The following PSMD11 variants were observed in gnomAD, a reference collection of about 807,000 sequenced individuals.
The protein encoded by PSMD11 is proteasome 26S subunit, non-ATPase 11, also known as 26S proteasome non-ATPase regulatory subunit 11.
In PSMD11, 5 loss-of-function variants were observed where a neutral mutation model predicts 62.3. The ratio of observed to expected loss-of-function variants is 0.08; its 90% CI spans 0.04 to 0.17. The LOEUF is 0.17. PSMD11 is among the 10% of genes least tolerant of loss of function. PSMD11 has a pLI of 1.00. For synonymous variants in PSMD11, 191 were observed against 191.8 expected (o/e 1.00, Z 0.03); for missense variants, 310 against 512.9 (o/e 0.60, Z 3.82).
chr17:32,465,448 A>AT (rs1907966526), intron 5 of PSMD11, among the ~76,000 whole-genome samples: 1 of 151,636 alleles, frequency 6.6e-6, no homozygotes, highest in African/African-American at 2.4e-5. Flanking sequence ...GATCTGGACT[A>AT]TTTTTTCCGA....
Position 32,480,186 on chromosome 17 carries a change from A to G in PSMD11, c.1115A>G (p.Lys372Arg), listed in dbSNP as rs1908446870. The G allele has an allele frequency of 2.5e-6, 4 of 1,613,732 alleles. No individual in the cohort carries two copies. In the East Asian group the frequency reaches 8.9e-5, roughly 36 times the overall value. ...ERKLSQMILD[K>R]KFHGILDQGE... Reference sequence around the variant, plus strand: ...AAATTATCACAGATGATTCTTGACAAGAAATTTCATGGTAAGTAACAGTCA... The same window carrying G: ...AAATTATCACAGATGATTCTTGACAGGAAATTTCATGGTAAGTAACAGTCA... Residue 372 changes from lysine to arginine, a missense_variant, in exon 12 of 14, where the codon AAG (lysine) becomes AGG (arginine). Coordinates refer to ENST00000261712, the MANE Select transcript of PSMD11 (RefSeq NM_002815.4).
intron 3 of PSMD11, among the ~76,000 whole-genome samples, chr17:32,456,915 C>T (rs942155062): frequency 5.3e-5 from 8 of 152,224 alleles, no homozygotes; most frequent in Admixed American, 2.0e-4. Context: ...GATCCACCCG[C>T]CTTGGCCTCC....
At chr17:32,457,367 A>G (rs1907682356) in intron 3 of PSMD11, among the ~76,000 whole-genome samples, 1 of 151,936 alleles carries the variant, frequency 6.6e-6, no homozygotes, top group Admixed American at 6.6e-5. Context: ...CCTCCTGAGT[A>G]GCTGGAACTA....
chr17:32,479,755 G>T, intron 10 of PSMD11, 96 bp from the exon 11 acceptor site: 1 of 1,424,028 alleles, frequency 7.0e-7, no homozygotes, highest in Non-Finnish European at 9.9e-7. Flanking sequence ...TTAGAATTTT[G>T]AGAAATACAG....
Position 32,473,879 on chromosome 17 carries a change from C to G in PSMD11, c.722C>G (p.Ser241Cys). 1 of 1,614,114 alleles carries G rather than the reference C, an allele frequency of 6.2e-7. No individual in the cohort carries two copies. The highest frequency in any genetic ancestry group is 8.5e-7 in the Non-Finnish European group (1 of 1,179,978). The change falls in exon 7 of 14, where the codon TCC becomes TGC. Residue 241 changes from serine to cysteine, a missense_variant. Ser to Cys is a moderately radical substitution (Grantham distance 112, BLOSUM62 -1). Coordinates refer to ENST00000261712, the MANE Select transcript of PSMD11 (RefSeq NM_002815.4). Reference sequence around the variant, plus strand: ...TATGAGGCATTTGAGGGTTATGACTCCATCGACAGCCCCAAGGCCATCACA... The same window carrying G: ...TATGAGGCATTTGAGGGTTATGACTGCATCGACAGCCCCAAGGCCATCACA... The part of the protein sequence containing the change: ...YFYEAFEGYD[S>C]IDSPKAITSL...
rs1269792106 is a variant in PSMD11 at position 32,469,172 on chromosome 17, G to T, written c.622G>T (p.Ala208Ser). Residue 208 changes from alanine (A) to serine (S), a missense_variant, in exon 6 of 14, where the codon GCC (alanine) becomes TCC (serine). Ala to Ser is a moderately conservative substitution (Grantham distance 99). This residue lies in a region of PSMD11 where 47 missense variants were observed against 117.7 expected (regional missense o/e 0.40). Coordinates refer to ENST00000261712, the MANE Select transcript of PSMD11 (RefSeq NM_002815.4). ...NAIYCPPKLQ[A>S]TLDMQSGIIH... ...CATCTACTGCCCCCCTAAATTGCAG[G>T]CCACCTTGGACATGCAGTCGGGTAA... The T allele has an allele frequency of 6.2e-7, 1 of 1,613,816 alleles. No homozygotes were observed. Among genetic ancestry groups the T allele is most frequent in the Non-Finnish European group, 8.5e-7 (1 of 1,179,930 alleles).
chr17:32,461,475 G>A (rs1248296798), intron 3 of PSMD11, among the ~76,000 whole-genome samples: 1 of 151,920 alleles, frequency 6.6e-6, no homozygotes, highest in East Asian at 1.9e-4. Flanking sequence ...GGAGGCTGAG[G>A]CAGGAGAAGT....
intron 9 of PSMD11, 98 bp from the exon 10 acceptor site, chr17:32,479,153 G>T: frequency 6.9e-7 from 1 of 1,450,120 alleles, no homozygotes; most frequent in Admixed American, 2.1e-5. Flanking sequence ...ATTCAACCAT[G>T]TAGTTTTATA....
intron 2 of PSMD11, among the ~76,000 whole-genome samples, chr17:32,447,494 G>C (rs1173652306): frequency 6.6e-6 from 1 of 152,138 alleles, no homozygotes; most frequent in East Asian, 1.9e-4. Flanking sequence ...ATTAAATGGA[G>C]CCTTCCCAAG....
intron 8 of PSMD11, 52 bp downstream of exon 8, chr17:32,474,876 C>A: frequency 6.6e-7 from 1 of 1,522,946 alleles, no homozygotes; most frequent in South Asian, 1.1e-5. Context: ...AGCATGTTTT[C>A]AGAGTCACAA....
intron 3 of PSMD11, among the ~76,000 whole-genome samples, chr17:32,462,256 T>TG (rs1169603529): frequency 1.3e-5 from 2 of 152,124 alleles, no homozygotes; most frequent in Non-Finnish European, 1.5e-5. Context: ...GGTAAAACTG[T>TG]GGGGGGCACT....
intron 5 of PSMD11, 99 bp downstream of exon 5, chr17:32,464,677 A>C (rs768834733): frequency 1.1e-6 from 1 of 892,138 alleles, no homozygotes; most frequent in East Asian, 2.6e-5. Context: ...TTTATATTCT[A>C]CTGACTTCTA....
Position 32,477,201 on chromosome 17 carries a change from G to A in PSMD11, c.850-320G>A, listed in dbSNP as rs191601467. 536 of 259,710 alleles carry A rather than the reference G, an allele frequency of 2.1e-3. 3 individuals are homozygous for A. The highest frequency in any genetic ancestry group is 5.0e-3 in the Admixed American group (98 of 19,454). The allele number at this position is 259,710 out of a possible 1,614,324, so 16.1% of individuals were successfully genotyped here. ...GGCGATAACAAGCCTTGGAGGAAGG[G>A]AGAAGAAATCACAGTTCTCTTGTCA... On this transcript the variant is annotated intron_variant, in intron 8 of 13. Transcript: ENST00000261712.
chr17:32,468,020 T>G (rs1298364778), intron 5 of PSMD11, among the ~76,000 whole-genome samples: 1 of 152,212 alleles, frequency 6.6e-6, no homozygotes, highest in Non-Finnish European at 1.5e-5. Context: ...TCTCATCATT[T>G]AGCTCCCACT....
In PSMD11 at chr17:32,475,602, C is replaced by CT. The variant is rs1223197720; in HGVS notation, c.849+793dup. ...CCTCTCTACAAGTGGCCCTAATTGG[C>CT]TTTTTTTTTTTTTTTGAGTTGGAGT... On this transcript the variant is annotated intron_variant, in intron 8 of 13. Transcript: ENST00000261712. 3.5e-3 allele frequency among the ~76,000 whole-genome samples: 475 copies of CT among 136,840 alleles called. 6 individuals carry two copies. The East Asian group carries it at 0.04, about 12-fold the overall frequency. 89.8% of individuals were successfully genotyped at this position (136,840 alleles called of 152,430 possible).
At chr17:32,472,961 G>C (rs973529536) in intron 6 of PSMD11, among the ~76,000 whole-genome samples, 1 of 150,822 alleles carries the variant, frequency 6.6e-6, no homozygotes, top group African/African-American at 2.4e-5. Context: ...TTCAAGACTA[G>C]CCTGGCGAAC....
At chr17:32,478,955 T>C (rs1379758870) in intron 9 of PSMD11, among the ~76,000 whole-genome samples, 1 of 152,130 alleles carries the variant, frequency 6.6e-6, no homozygotes, top group Admixed American at 6.5e-5. Context: ...AAAATTTATT[T>C]TTAGAGATGG....
At position 32,473,945 on chromosome 17, in the gene PSMD11, C is replaced by G; in HGVS notation, c.788C>G (p.Thr263Ser). 6.2e-7 allele frequency: 1 copy of G among 1,613,956 alleles called. No homozygotes were observed. Among genetic ancestry groups the G allele is most frequent in the Non-Finnish European group, 8.5e-7 (1 of 1,179,944 alleles). Reference sequence around the variant, plus strand: ...TTGCTGTGCAAAATCATGCTCAACACGTAGGTGCACCTTAACTCTGGACTA... The same window carrying G: ...TTGCTGTGCAAAATCATGCTCAACAGGTAGGTGCACCTTAACTCTGGACTA... ...YMLLCKIMLNTPEDVQALVSG... is the reference protein window; with the variant it reads ...YMLLCKIMLNSPEDVQALVSG... The change falls in exon 7 of 14, where the codon ACC becomes AGC. Residue 263 changes from threonine to serine, a missense_variant and splice_region_variant. Transcript: ENST00000261712.
intron 10 of PSMD11, 90 bp from the exon 11 acceptor site, chr17:32,479,761 T>G: frequency 6.9e-7 from 1 of 1,446,092 alleles, no homozygotes; most frequent in Non-Finnish European, 9.7e-7. Flanking sequence ...TTTTGAGAAA[T>G]ACAGCAGTTC....
Sources: gnomAD v4.1 joint callset for allele counts (sites outside exome capture counted in the v4.1 genomes callset) on GRCh38, gnomAD v4.1.1 for gene constraint, gnomAD v4.1.1 regional missense constraint, MANE v1.5 for transcripts, NCBI Gene and HGNC (gene_info 2026-07-23, HGNC 2026-07-21) for gene names.